The following SLC35D4 variants were observed in gnomAD, a reference collection of about 807,000 sequenced individuals.
The protein encoded by SLC35D4 is solute carrier family 35 member D4.
chr18:23,327,881 G>A, the SLC35D4 span, among the ~76,000 whole-genome samples: 1 of 152,142 alleles, frequency 6.6e-6, no homozygotes, highest in South Asian at 2.1e-4. Flanking sequence ...TCATCCCTGG[G>A]ATGCAAGGCT....
At chr18:23,398,652 C>G in the SLC35D4 span, among the ~76,000 whole-genome samples, 1 of 152,342 alleles carries the variant, frequency 6.6e-6, no homozygotes, top group Admixed American at 6.5e-5. Context: ...TTCAAAATTA[C>G]AGTCCTCACT....
chr18:23,308,550 A>G, the SLC35D4 span, among the ~76,000 whole-genome samples: 2 of 151,898 alleles, frequency 1.3e-5, no homozygotes, highest in African/African-American at 4.8e-5. Context: ...CAGATATCCT[A>G]CCATGTCTCC....
the SLC35D4 span, among the ~76,000 whole-genome samples, chr18:23,333,145 G>C: frequency 1.3e-5 from 2 of 152,132 alleles, no homozygotes; most frequent in Admixed American, 1.3e-4. Flanking sequence ...GTAATTCTTA[G>C]AGTAAACATT....
the SLC35D4 span, among the ~76,000 whole-genome samples, chr18:23,365,239 T>C: frequency 6.6e-6 from 1 of 152,218 alleles, no homozygotes; most frequent in African/African-American, 2.4e-5. Context: ...CTCCTGAAGT[T>C]ATCACCAAAA....
At chr18:23,309,664 T>C in the SLC35D4 span, 11 of 1,612,638 alleles carry the variant, frequency 6.8e-6, no homozygotes, top group Non-Finnish European at 8.5e-6. Context: ...TTTATCTCTC[T>C]ATGCAAAAGA....
At chr18:23,394,939 C>T in the SLC35D4 span, among the ~76,000 whole-genome samples, 1,089 of 145,840 alleles carry the variant, frequency 7.5e-3, 7 homozygotes, top group African/African-American at 0.026. Context: ...GCCGAGATCA[C>T]GCCATTGCAC....
At chr18:23,295,521 C>T in the SLC35D4 span, among the ~76,000 whole-genome samples, 22 of 151,784 alleles carry the variant, frequency 1.4e-4, no homozygotes, top group East Asian at 3.7e-3. Flanking sequence ...TGGAAACAAA[C>T]AAGACAAAAC....
chr18:23,367,359 A>C, the SLC35D4 span, among the ~76,000 whole-genome samples: 74 of 152,200 alleles, frequency 4.9e-4, no homozygotes, highest in African/African-American at 1.7e-3. Context: ...TAACCAACGC[A>C]ATCAGCCACC....
chr18:23,358,066 G>A, the SLC35D4 span, among the ~76,000 whole-genome samples: 1 of 152,180 alleles, frequency 6.6e-6, no homozygotes, highest in African/African-American at 2.4e-5. Context: ...GTGCCCTGGG[G>A]ACCCCAGACC....
At chr18:23,421,215 GC>G in the SLC35D4 span, 1 of 662,930 alleles carries the variant, frequency 1.5e-6, no homozygotes, top group Non-Finnish European at 2.4e-6. Flanking sequence ...CTGCACCCTA[GC>G]CTGGGAGACA....
chr18:23,326,389 A>G, the SLC35D4 span, among the ~76,000 whole-genome samples: 8 of 152,348 alleles, frequency 5.3e-5, no homozygotes, highest in East Asian at 1.5e-3. Flanking sequence ...AAAAAAAAGC[A>G]CAGGTTGCAA....
At chr18:23,268,803 C>CGTGT in the SLC35D4 span, among the ~76,000 whole-genome samples, 8,462 of 149,466 alleles carry the variant, frequency 0.057, 320 homozygotes, top group Middle Eastern at 0.11. Context: ...TGTGTGTGTG[C>CGTGT]GTGTGTGTGT....
At chr18:23,420,172 G>A in the SLC35D4 span, among the ~76,000 whole-genome samples, 69 of 152,014 alleles carry the variant, frequency 4.5e-4, no homozygotes, top group Middle Eastern at 6.8e-3. Context: ...GCGTGGTGGC[G>A]CATGCCTGTA....
the SLC35D4 span, among the ~76,000 whole-genome samples, chr18:23,437,250 A>C: frequency 6.6e-6 from 1 of 152,240 alleles, no homozygotes; most frequent in Admixed American, 6.5e-5. Flanking sequence ...TGTATGTTTT[A>C]TTTTAAAAAA....
the SLC35D4 span, chr18:23,365,819 A>G: frequency 1.2e-6 from 1 of 842,564 alleles, no homozygotes; most frequent in Non-Finnish European, 1.8e-6. Flanking sequence ...CCTCAGAGAG[A>G]GTAAGAATGT....
the SLC35D4 span, among the ~76,000 whole-genome samples, chr18:23,270,120 T>G: frequency 6.6e-6 from 1 of 152,140 alleles, no homozygotes; most frequent in East Asian, 1.9e-4. Context: ...AAAAAATGGT[T>G]TCCTAGGGCT....
chr18:23,335,213 C>CA, the SLC35D4 span, among the ~76,000 whole-genome samples: 1 of 152,194 alleles, frequency 6.6e-6, no homozygotes, highest in African/African-American at 2.4e-5. Flanking sequence ...CACAATGTAA[C>CA]AGACAGTTAT....
the SLC35D4 span, among the ~76,000 whole-genome samples, chr18:23,389,454 A>G: frequency 1.3e-5 from 2 of 152,248 alleles, no homozygotes; most frequent in African/African-American, 4.8e-5. Flanking sequence ...TCTACTGAGA[A>G]GCTAACAGGC....
the SLC35D4 span, among the ~76,000 whole-genome samples, chr18:23,249,946 G>T: frequency 6.6e-6 from 1 of 152,208 alleles, no homozygotes; most frequent in African/African-American, 2.4e-5. Context: ...CCTGCCTGCG[G>T]CTCACTCAGG....
Sources: gnomAD v4.1 joint callset for allele counts (sites outside exome capture counted in the v4.1 genomes callset) on GRCh38, gnomAD v4.1.1 for gene constraint, MANE v1.5 for transcripts, NCBI Gene and HGNC (gene_info 2026-07-23, HGNC 2026-07-21) for gene names.